Variants in PGM3 observed in about 807,000 individuals in gnomAD.
PGM3 encodes the protein phosphoglucomutase 3.
A neutral mutation model predicts 66.2 loss-of-function variants in PGM3; 40 were observed. The ratio of observed to expected loss-of-function variants is 0.60; its 90% CI spans 0.47 to 0.79. The LOEUF is 0.79. Ranked by LOEUF, PGM3 falls within the 30% of genes least tolerant of loss-of-function variation. The pLI, the probability that PGM3 is intolerant of heterozygous loss-of-function variation, is 0.00. For missense variants in PGM3, 537 were observed against 643.4 expected (o/e 0.83, Z 1.79); for synonymous variants, 191 against 224.2 (o/e 0.85, Z 1.32).
At chr6:83,153,607 C>T in the PGM3 span, 2 of 1,595,042 alleles carry the variant, frequency 1.3e-6, no homozygotes, top group African/African-American at 1.4e-5. Flanking sequence ...TGTGCCCTAC[C>T]TCAGAAATCA....
chr6:83,192,139 G>A (rs1271213061), intron 1 of PGM3, among the ~76,000 whole-genome samples: 3 of 151,292 alleles, frequency 2.0e-5, no homozygotes, highest in Non-Finnish European at 2.9e-5. Context: ...GGTGGTGCGC[G>A]CCTGTAGTCC....
chr6:83,180,764 G>A (rs1788120140), intron 6 of PGM3, among the ~76,000 whole-genome samples: 1 of 152,144 alleles, frequency 6.6e-6, no homozygotes, highest in African/African-American at 2.4e-5. Flanking sequence ...GTCAAAACAA[G>A]CAATTCAATG....
intron 8 of PGM3, among the ~76,000 whole-genome samples, chr6:83,177,014 G>GT (rs1787820821): frequency 6.6e-6 from 1 of 152,048 alleles, no homozygotes; most frequent in Non-Finnish European, 1.5e-5. Flanking sequence ...GATATATTTC[G>GT]TTTTGCCCAG....
chr6:83,182,748 A>T, intron 5 of PGM3, 97 bp downstream of exon 5: 1 of 1,122,450 alleles, frequency 8.9e-7, no homozygotes, highest in Non-Finnish European at 1.3e-6. Flanking sequence ...TCTTTGGAAA[A>T]GGAAAGAGGA....
Position 83,171,991 on chromosome 6 carries a change from T to C in PGM3, c.1311A>G (p.Val437=). ...CTGTATAGAGAGCATCCCACTGTTGTACAGTCAAGCCCTTCAGAGCCAAGA... is the reference window on the plus strand; with the variant it reads ...CTGTATAGAGAGCATCCCACTGTTGCACAGTCAAGCCCTTCAGAGCCAAGA... ...EAILALKGLT[V]QQWDALYTDL... The change falls in exon 11 of 13, where the codon GTA becomes GTG. Residue 437 remains valine (V), a synonymous_variant. Transcript: ENST00000513973. 2.5e-6 allele frequency: 4 copies of C among 1,613,088 alleles called. No individual in the cohort carries two copies. The East Asian group carries it at 8.9e-5, about 36-fold the overall frequency.
chr6:83,167,885 A>G lies in PGM3; in HGVS notation c.*1349T>C, dbSNP rs1562401165. ...AGAAAAATCCAGAGGAAGACAACTC[A>G]GGGAGAACATTGGGTTGGGAGCCAG... On this transcript the variant is annotated 3_prime_UTR_variant, in exon 13 of 13. Coordinates refer to ENST00000513973, the MANE Select transcript of PGM3 (RefSeq NM_015599.3). 6.2e-7 allele frequency: 1 copy of G among 1,611,752 alleles called. No homozygotes were observed. Among genetic ancestry groups the G allele is most frequent in the Non-Finnish European group, 8.5e-7 (1 of 1,178,392 alleles).
the PGM3 span, among the ~76,000 whole-genome samples, chr6:83,149,944 G>A: frequency 6.6e-6 from 1 of 152,220 alleles, no homozygotes; most frequent in Non-Finnish European, 1.5e-5. Flanking sequence ...ATCTGGACAG[G>A]CATCCTAATT....
Position 83,167,626 on chromosome 6 carries a change from T to G in PGM3, c.*1608A>C. On this transcript the variant is annotated 3_prime_UTR_variant, in exon 13 of 13. Coordinates refer to ENST00000513973, the MANE Select transcript of PGM3 (RefSeq NM_015599.3). ...AAGCTATTTCTGTTAACTAAGCTTA[T>G]CTGCGCATTCTAGTTGGGAACTATT... 2.4e-6 allele frequency: 3 copies of G among 1,225,494 alleles called. No homozygotes were observed. The highest frequency in any genetic ancestry group is 3.1e-6 in the Non-Finnish European group (3 of 983,264). 75.9% of individuals were successfully genotyped at this position (1,225,494 alleles called of 1,614,324 possible). A position where few individuals can be genotyped will look rare whatever the true frequency, so the allele number is the denominator to read the frequency against.
rs376873463 is a variant in PGM3, at chr6:83,165,779, C to T, written c.*3455G>A. On this transcript the variant is annotated 3_prime_UTR_variant, in exon 13 of 13. Transcript: ENST00000513973. ...TTCGAAGCGTTGGTTGTGCAACGTG[C>T]GGCCCAGTGTTGTCGTGAAAAGAAT... 1.1e-4 allele frequency: 29 copies of T among 261,166 alleles called. No individual in the cohort carries two copies. The highest frequency in any genetic ancestry group is 1.1e-4 in the East Asian group (1 of 9,488). The allele number at this position is 261,166 out of a possible 1,614,324, so 16.2% of individuals were successfully genotyped here. A position where few individuals can be genotyped will look rare whatever the true frequency, so the allele number is the denominator to read the frequency against.
intron 12 of PGM3, 125 bp downstream of exon 12, chr6:83,170,180 G>A (rs1786796425): frequency 1.2e-6 from 1 of 809,926 alleles, no homozygotes; most frequent in Non-Finnish European, 1.9e-6. Context: ...GTCTTAATGT[G>A]AACCTAAAAG....
In PGM3 at chr6:83,191,386, C is replaced by A; in HGVS notation, c.-2-372G>T. 1.0e-5 allele frequency: 7 copies of A among 677,820 alleles called. No homozygotes were observed. In the Admixed American group the frequency reaches 1.1e-4, roughly 11 times the overall value. The allele number at this position is 677,820 out of a possible 1,614,324, so 42.0% of individuals were successfully genotyped here. On this transcript the variant is annotated intron_variant, in intron 1 of 12. Coordinates refer to ENST00000513973, the MANE Select transcript of PGM3 (RefSeq NM_015599.3). The stretch of plus-strand genomic sequence containing the variant: ...TGAGCTCAAAGATCATTTCATTTTA[C>A]AAAAAGGGAAACTAACCTAAATTAA...
chr6:83,172,671 C>A (rs962284320), intron 10 of PGM3, among the ~76,000 whole-genome samples: 2 of 151,586 alleles, frequency 1.3e-5, no homozygotes, highest in South Asian at 4.2e-4. Flanking sequence ...AACAAAACAA[C>A]AACAACAACA....
At position 83,173,718 on chromosome 6, in the gene PGM3, T is replaced by C. The variant is rs148871244; in HGVS notation, c.1242+656A>G. 3.8e-3 allele frequency among the ~76,000 whole-genome samples: 586 copies of C among 152,282 alleles called. 5 individuals are homozygous for C. Among genetic ancestry groups the C allele is most frequent in the African/African-American group, 0.014 (565 of 41,526 alleles). On this transcript the variant is annotated intron_variant, in intron 10 of 12. Coordinates refer to ENST00000513973, the MANE Select transcript of PGM3 (RefSeq NM_015599.3). ...CCCAACTAACCCACATGTATGTCCT[T>C]TGTCAATGAGACAACCAGTTATTTG... is the stretch of plus-strand genomic sequence containing the variant.
intron 4 of PGM3, among the ~76,000 whole-genome samples, chr6:83,186,130 GAGGTCCAC>G (rs1373756677): frequency 1.3e-5 from 2 of 152,188 alleles, no homozygotes; most frequent in Admixed American, 6.5e-5. Flanking sequence ...ATCGTATCAT[GAGGTCCAC>G]AGGTCCTCTG....
Position 83,165,008 on chromosome 6 carries a change from C to A in PGM3, c.*4226G>T. On this transcript the variant is annotated 3_prime_UTR_variant, in exon 13 of 13. Coordinates refer to ENST00000513973, the MANE Select transcript of PGM3 (RefSeq NM_015599.3). ...AAAAGTCCCTCTCTTAAAGGCTCAT[C>A]TTGATAGGAATAGAAACAAAAGGTT... The A allele has an allele frequency of 3.3e-6, 1 of 307,048 alleles. No individual in the cohort carries two copies. Among genetic ancestry groups the A allele is most frequent in the Non-Finnish European group, 6.0e-6 (1 of 167,608 alleles). 19.0% of individuals were successfully genotyped at this position (307,048 alleles called of 1,614,324 possible). A position where few individuals can be genotyped will look rare whatever the true frequency, so the allele number is the denominator to read the frequency against.
chr6:83,190,324 T>C (rs1334091194), intron 2 of PGM3, among the ~76,000 whole-genome samples: 1 of 152,210 alleles, frequency 6.6e-6, no homozygotes, highest in East Asian at 1.9e-4. Flanking sequence ...AATCTAACTG[T>C]CACAAAGACT....
the PGM3 span, among the ~76,000 whole-genome samples, chr6:83,152,620 CTTTTTTTTTT>C: frequency 2.9e-4 from 39 of 133,894 alleles, no homozygotes; most frequent in Admixed American, 3.0e-3. Context: ...TTTTCTTTTT[CTTTTTTTTTT>C]TTTTTTGAGA....
the PGM3 span, among the ~76,000 whole-genome samples, chr6:83,155,021 T>C: frequency 6.6e-6 from 1 of 152,278 alleles, no homozygotes; most frequent in African/African-American, 2.4e-5. Context: ...GCGCTAACCT[T>C]AATCAAATTT....
At position 83,181,729 on chromosome 6, in the gene PGM3, G is replaced by A. The variant is rs376979392; in HGVS notation, c.787+7C>T. ...AAACAAATTTTTGCAGTGCTAGTAC[G>A]ACATACCCTGTGGAGGTTTCTGATG... On this transcript the variant is annotated splice_region_variant and intron_variant, in intron 6 of 12. Transcript: ENST00000513973. 29 of 1,600,788 alleles carry A rather than the reference G, an allele frequency of 1.8e-5. No homozygotes were observed. Among genetic ancestry groups the A allele is most frequent in the Admixed American group, 1.0e-4 (6 of 57,172 alleles).
Sources: allele counts gnomAD v4.1 joint callset (sites outside exome capture counted in the v4.1 genomes callset), GRCh38; gene constraint gnomAD v4.1.1; transcripts MANE v1.5; gene names NCBI Gene and HGNC (gene_info 2026-07-23, HGNC 2026-07-21).